The following PRKCH variants were observed in gnomAD, a reference collection of about 807,000 sequenced individuals.
PRKCH encodes protein kinase C eta.
A neutral mutation model predicts 82.5 loss-of-function variants in PRKCH; 28 were observed. That is an observed-to-expected ratio of 0.34 (90% confidence interval 0.25 to 0.47). The LOEUF (loss-of-function observed/expected upper bound fraction) is 0.47. Ranked by LOEUF, PRKCH falls within the 20% of genes least tolerant of loss-of-function variation. The pLI is 1.00. For missense variants in PRKCH, 705 were observed against 881.8 expected (o/e 0.80, Z 2.54); for synonymous variants, 322 against 327.4 (o/e 0.98, Z 0.18).
At chr14:61,520,376 C>G (rs1384681800) in intron 10 of PRKCH, among the ~76,000 whole-genome samples, 2 of 151,968 alleles carry the variant, frequency 1.3e-5, no homozygotes, top group Non-Finnish European at 2.9e-5. Context: ...GTATCCTGTT[C>G]TTTCACTTAG....
intron 1 of PRKCH, among the ~76,000 whole-genome samples, chr14:61,287,843 G>A (rs1366378688): frequency 6.6e-6 from 1 of 152,146 alleles, no homozygotes; most frequent in Non-Finnish European, 1.5e-5. Flanking sequence ...ATCTTTTGAG[G>A]CTAGAAGTCA....
intron 1 of PRKCH, among the ~76,000 whole-genome samples, chr14:61,380,463 C>T (rs970707522): frequency 2.0e-5 from 3 of 152,144 alleles, no homozygotes; most frequent in Admixed American, 6.5e-5. Context: ...TCCTGGTTTC[C>T]AGAGAGGACA....
At chr14:61,279,418 GC>G (rs1351852932) in intron 1 of PRKCH, 2 of 152,168 alleles carry the variant, frequency 1.3e-5, no homozygotes, top group Non-Finnish European at 2.9e-5. Flanking sequence ...ACTGCTTCAG[GC>G]CCAACCTGGT....
intron 1 of PRKCH, among the ~76,000 whole-genome samples, chr14:61,297,112 T>C (rs916561353): frequency 6.6e-6 from 1 of 152,210 alleles, no homozygotes; most frequent in Non-Finnish European, 1.5e-5. Flanking sequence ...TTTGTGACCA[T>C]TAGATGGCAC....
chr14:61,390,441 C>T (rs186623777), intron 1 of PRKCH, among the ~76,000 whole-genome samples: 16 of 152,214 alleles, frequency 1.1e-4, no homozygotes, highest in African/African-American at 2.4e-4. Context: ...GAGGCTGAGG[C>T]GGGAGGATCA....
At chr14:61,548,861 CAAAAAAAA>C (rs11424840) in intron 13 of PRKCH, among the ~76,000 whole-genome samples, 1 of 128,838 alleles carries the variant, frequency 7.8e-6, no homozygotes, top group Non-Finnish European at 1.6e-5. Context: ...GACTTTGTCT[CAAAAAAAA>C]AAAAAAAAAA....
At chr14:61,291,323 C>CTTTTTTTTT in intron 1 of PRKCH, among the ~76,000 whole-genome samples, 1 of 96,686 alleles carries the variant, frequency 1.0e-5, no homozygotes, top group African/African-American at 3.6e-5. Flanking sequence ...CCCTCTGGTT[C>CTTTTTTTTT]TTTTTTTTTT....
intron 1 of PRKCH, among the ~76,000 whole-genome samples, chr14:61,241,592 T>TGAA (rs56367105): frequency 0.94 from 142,276 of 152,102 alleles, 67,234 homozygotes; most frequent in Non-Finnish European, 1. Context: ...GAAAATAGGA[T>TGAA]GACCAAATAT....
At chr14:61,431,437 A>G (rs1435425384) in intron 2 of PRKCH, among the ~76,000 whole-genome samples, 1 of 152,042 alleles carries the variant, frequency 6.6e-6, no homozygotes, top group Non-Finnish European at 1.5e-5. Flanking sequence ...CTGTTCTCAA[A>G]CTTTTTAATA....
chr14:61,500,985 T>C (rs1356063306), intron 10 of PRKCH, among the ~76,000 whole-genome samples: 2 of 152,190 alleles, frequency 1.3e-5, no homozygotes, highest in Non-Finnish European at 2.9e-5. Flanking sequence ...CAGTATTGGC[T>C]TACAGTTAAG....
At chr14:61,327,076 G>C (rs1270724232) in intron 1 of PRKCH, 1 of 456,022 alleles carries the variant, frequency 2.2e-6, no homozygotes, top group South Asian at 1.5e-5. Context: ...CAGGAAGGAA[G>C]GACTGGCTTG....
chr14:61,249,612 A>AT (rs957750204), intron 1 of PRKCH, among the ~76,000 whole-genome samples: 3 of 150,602 alleles, frequency 2.0e-5, no homozygotes, highest in East Asian at 2.0e-4. Flanking sequence ...CCAATGGCAA[A>AT]TTTTTTTTTA....
intron 9 of PRKCH, among the ~76,000 whole-genome samples, chr14:61,465,685 C>T (rs1033807102): frequency 6.6e-6 from 1 of 152,080 alleles, no homozygotes; most frequent in African/African-American, 2.4e-5. Flanking sequence ...TCTTTTTGGT[C>T]AAGATTGCTT....
intron 1 of PRKCH, among the ~76,000 whole-genome samples, chr14:61,315,895 A>T (rs1323958771): frequency 6.6e-6 from 1 of 151,728 alleles, no homozygotes; most frequent in East Asian, 1.9e-4. Context: ...TTACAGGGAC[A>T]TACCACCACG....
At chr14:61,279,650 C>T (rs1377575241) in intron 1 of PRKCH, 1 of 156,264 alleles carries the variant, frequency 6.4e-6, no homozygotes, top group African/African-American at 2.4e-5. Context: ...CTCTCCCCGA[C>T]CAAAGAAAAG....
chr14:61,207,768 G>A (rs1207868258), intron 1 of PRKCH, among the ~76,000 whole-genome samples: 2 of 152,182 alleles, frequency 1.3e-5, no homozygotes, highest in Non-Finnish European at 1.5e-5. Context: ...AGATAAGGAA[G>A]GTGAGATGAA....
chr14:61,503,058 A>G (rs1427101857), intron 10 of PRKCH, among the ~76,000 whole-genome samples: 2 of 145,962 alleles, frequency 1.4e-5, no homozygotes, highest in East Asian at 2.0e-4. Context: ...AGAAAAATAT[A>G]CTGTGGCGGT....
At chr14:61,338,517 C>G (rs2045887645) in intron 1 of PRKCH, among the ~76,000 whole-genome samples, 1 of 152,000 alleles carries the variant, frequency 6.6e-6, no homozygotes, top group South Asian at 2.1e-4. Flanking sequence ...AAAATGTTAA[C>G]TTTTGTTTGG....
chr14:61,310,570 T>C (rs1339338577), intron 1 of PRKCH, among the ~76,000 whole-genome samples: 1 of 152,246 alleles, frequency 6.6e-6, no homozygotes, highest in Non-Finnish European at 1.5e-5. Flanking sequence ...TACAGCTCCC[T>C]TCCTGGCTGC....
Sources: allele counts gnomAD v4.1 joint callset (sites outside exome capture counted in the v4.1 genomes callset), GRCh38; gene constraint gnomAD v4.1.1; transcripts MANE v1.5; gene names NCBI Gene and HGNC (gene_info 2026-07-23, HGNC 2026-07-21).